CLVS2: variants seen among roughly 807,000 people sequenced by gnomAD.
The protein encoded by CLVS2 is clavesin-2.
In CLVS2, 19 loss-of-function variants were observed where a neutral mutation model predicts 29.0. That is an observed-to-expected ratio of 0.66 (90% CI 0.46 to 0.96). The LOEUF is 0.96. Ranked by LOEUF, CLVS2 falls within the 40% of genes least tolerant of loss-of-function variation. CLVS2 has a pLI of 0.00. For missense variants in CLVS2, 294 were observed against 404.1 expected, an observed-to-expected ratio of 0.73 and a Z score of 2.34; for synonymous variants, 161 against 151.3, an observed-to-expected ratio of 1.06 and a Z score of -0.47.
intron 3 of CLVS2, among the ~76,000 whole-genome samples, chr6:123,037,127 A>T (rs778107328): frequency 6.6e-6 from 1 of 152,014 alleles, no homozygotes; most frequent in Non-Finnish European, 1.5e-5. Context: ...ATCCCAGCTC[A>T]GGAACATCTT....
rs1244674767 is a variant in CLVS2 at position 123,063,846 on chromosome 6, G to T, written c.*85G>T. ...GGACAACACTGTAGAGGAATTACCA[G>T]CTGGAAACCGACTTATTCATGTTAA... is the stretch of plus-strand genomic sequence containing the variant. On this transcript the variant is annotated 3_prime_UTR_variant, in exon 6 of 6. Transcript: ENST00000275162. 27 of 867,804 alleles carry T rather than the reference G, an allele frequency of 3.1e-5. No individual in the cohort carries two copies. The South Asian group carries it at 4.2e-4, about 13-fold the overall frequency. The allele number at this position is 867,804 out of a possible 1,614,324, so 53.8% of individuals were successfully genotyped here.
intron 3 of CLVS2, among the ~76,000 whole-genome samples, chr6:123,025,684 C>G (rs1774990914): frequency 6.6e-6 from 1 of 152,112 alleles, no homozygotes; most frequent in African/African-American, 2.4e-5. Flanking sequence ...TTTATGTCCC[C>G]AGGGAACATA....
At chr6:123,025,857 T>C (rs1774992884) in intron 3 of CLVS2, among the ~76,000 whole-genome samples, 2 of 152,146 alleles carry the variant, frequency 1.3e-5, no homozygotes, top group Non-Finnish European at 2.9e-5. Context: ...CTAGTTTCTT[T>C]CTCTTTCTTA....
chr6:123,070,407 C>A lies in CLVS2; in HGVS notation c.*6646C>A, dbSNP rs560610823. 3.3e-5 allele frequency: 5 copies of A among 151,976 alleles called. No individual in the cohort carries two copies. In the East Asian group the frequency reaches 9.7e-4, roughly 29 times the overall value. The allele number at this position is 151,976 out of a possible 1,614,324, so 9.4% of individuals were successfully genotyped here. On this transcript the variant is annotated 3_prime_UTR_variant, in exon 6 of 6. Coordinates refer to ENST00000275162, the MANE Select transcript of CLVS2 (RefSeq NM_001010852.4). ...TCAAAATATATCCACACTCTAACCA[C>A]TTCTCCAATCTTCTTCACTGTATTG...
rs531304466 is a variant in CLVS2 at position 123,000,995 on chromosome 6, G to A, written c.389+2829G>A. On this transcript the variant is annotated intron_variant, in intron 2 of 5. Transcript: ENST00000275162. ...GATTTTATGAATTTTGAAACAATTC[G>A]TAAAGACCCCCAATAGAATTGATCT... Among the ~76,000 whole-genome samples the A allele has an allele frequency of 9.9e-5, 15 of 152,252 alleles. No individual in the cohort carries two copies. In the East Asian group the frequency reaches 1.9e-3, roughly 20 times the overall value.
At position 123,063,978 on chromosome 6, in the gene CLVS2, G is replaced by C. The variant is rs4403278; in HGVS notation, c.*217G>C. 0.84 allele frequency: 340,564 copies of C among 407,532 alleles called. 142,986 individuals carry two copies. Among genetic ancestry groups the C allele is most frequent in the African/African-American group, 0.93 (45,206 of 48,690 alleles). 25.2% of individuals were successfully genotyped at this position (407,532 alleles called of 1,614,324 possible). The stretch of plus-strand genomic sequence containing the variant: ...TAATTTATTCTGTAAGTGCCAAGTT[G>C]TTTGTAAATATAATGTAATCTTCAT... On this transcript the variant is annotated 3_prime_UTR_variant, in exon 6 of 6. Coordinates refer to ENST00000275162, the MANE Select transcript of CLVS2 (RefSeq NM_001010852.4).
chr6:123,054,944 A>G (rs900038348), intron 4 of CLVS2, among the ~76,000 whole-genome samples: 2 of 152,150 alleles, frequency 1.3e-5, no homozygotes, highest in African/African-American at 4.8e-5. Flanking sequence ...AAAGATATAT[A>G]AGGACTGGGA....
At chr6:123,039,196 T>C (rs1212163173) in intron 3 of CLVS2, among the ~76,000 whole-genome samples, 1 of 152,202 alleles carries the variant, frequency 6.6e-6, no homozygotes, top group Non-Finnish European at 1.5e-5. Flanking sequence ...TTTGGCAATT[T>C]TAGATACGAG....
chr6:123,048,897 T>C (rs780777843), intron 4 of CLVS2, among the ~76,000 whole-genome samples, 165 bp downstream of exon 4: 1 of 152,182 alleles, frequency 6.6e-6, no homozygotes, highest in Non-Finnish European at 1.5e-5. Flanking sequence ...TTGTGAACAG[T>C]ATATCTGTGA....
At chr6:123,009,587 AC>A (rs1774719962) in intron 2 of CLVS2, among the ~76,000 whole-genome samples, 1 of 151,890 alleles carries the variant, frequency 6.6e-6, no homozygotes, top group Admixed American at 6.6e-5. Flanking sequence ...CATCATTTCC[AC>A]TAAATGGGAA....
intron 5 of CLVS2, among the ~76,000 whole-genome samples, chr6:123,058,512 C>A (rs1177258542): frequency 6.6e-6 from 1 of 152,182 alleles, no homozygotes; most frequent in African/African-American, 2.4e-5. Context: ...GCTGCACCCA[C>A]CCCCTAAAAA....
chr6:123,046,505 C>A (rs1298029738), intron 3 of CLVS2, among the ~76,000 whole-genome samples: 1 of 151,816 alleles, frequency 6.6e-6, no homozygotes, highest in African/African-American at 2.4e-5. Flanking sequence ...ACTAAAAATA[C>A]AAAATTAGCC....
At chr6:123,003,633 G>A (rs1040716201) in intron 2 of CLVS2, among the ~76,000 whole-genome samples, 3 of 152,164 alleles carry the variant, frequency 2.0e-5, no homozygotes, top group African/African-American at 7.2e-5. Context: ...AGTAGGTACT[G>A]GGGGCAAATA....
chr6:123,052,256 C>A (rs1037525062), intron 4 of CLVS2, among the ~76,000 whole-genome samples: 1 of 152,022 alleles, frequency 6.6e-6, no homozygotes, highest in African/African-American at 2.4e-5. Flanking sequence ...GACAAGGGGC[C>A]TTTTAAGAAG....
intron 2 of CLVS2, among the ~76,000 whole-genome samples, chr6:123,007,844 G>T (rs1005243902): frequency 1.3e-5 from 2 of 152,148 alleles, no homozygotes; most frequent in East Asian, 3.8e-4. Flanking sequence ...TACAAGAGAA[G>T]AATAACAATA....
intron 4 of CLVS2, among the ~76,000 whole-genome samples, chr6:123,053,347 GCAAACAAA>G (rs577528788): frequency 6.6e-6 from 1 of 151,912 alleles, no homozygotes; most frequent in African/African-American, 2.4e-5. Flanking sequence ...CTGTCTAAAA[GCAAACAAA>G]CAAACAAACA....
rs1255136583 is a variant in CLVS2, at chr6:123,066,732, T to A, written c.*2971T>A. The A allele has an allele frequency of 6.6e-6, 1 of 151,806 alleles. No individual in the cohort carries two copies. The highest frequency in any genetic ancestry group is 2.4e-5 in the African/African-American group (1 of 41,414). 9.4% of individuals were successfully genotyped at this position (151,806 alleles called of 1,614,324 possible). ...TCTAAGAAATATGAAGAAGTGCCTCTTTGAAAATGGAATAAAGCAACGTTA... is the reference window on the plus strand; with the variant it reads ...TCTAAGAAATATGAAGAAGTGCCTCATTGAAAATGGAATAAAGCAACGTTA... On this transcript the variant is annotated 3_prime_UTR_variant, in exon 6 of 6. Transcript: ENST00000275162.
At chr6:123,006,112 C>T (rs1282453349) in intron 2 of CLVS2, among the ~76,000 whole-genome samples, 2 of 152,124 alleles carry the variant, frequency 1.3e-5, no homozygotes, top group Non-Finnish European at 2.9e-5. Context: ...AGAGAGGGCG[C>T]TGAGGTCTCC....
chr6:123,012,407 A>G (rs545576005), intron 3 of CLVS2, among the ~76,000 whole-genome samples: 81 of 151,872 alleles, frequency 5.3e-4, no homozygotes, highest in Non-Finnish European at 9.4e-4. Context: ...TGTTATCCCT[A>G]TTTAACCTGT....
Sources: gnomAD v4.1 joint callset for allele counts (sites outside exome capture counted in the v4.1 genomes callset) on GRCh38, gnomAD v4.1.1 for gene constraint, MANE v1.5 for transcripts, NCBI Gene and HGNC (gene_info 2026-07-23, HGNC 2026-07-21) for gene names.